Variants in HDHD2 observed in about 807,000 individuals in gnomAD.
HDHD2 encodes haloacid dehalogenase-like hydrolase domain-containing protein 2.
In HDHD2, 26 loss-of-function variants were observed where a neutral mutation model predicts 24.8. The ratio of observed to expected loss-of-function variants is 1.05; its 90% CI spans 0.77 to 1.45. The LOEUF is 1.45. Among genes scored for constraint, HDHD2 ranks in the 40% most tolerant of loss-of-function variants. The pLI is 0.00. For missense variants in HDHD2, 299 were observed against 313.4 expected, an observed-to-expected ratio of 0.95 and a Z score of 0.35; for synonymous variants, 128 against 114.9, an observed-to-expected ratio of 1.11 and a Z score of -0.73.
chr18:47,124,779 A>T (rs2063642271), intron 4 of HDHD2, among the ~76,000 whole-genome samples: 2 of 152,052 alleles, frequency 1.3e-5, no homozygotes, highest in African/African-American at 4.8e-5. Context: ...AAAACGTAAA[A>T]GATTTGAATG....
chr18:47,115,382 C>T (rs750816576), intron 4 of HDHD2, 34 bp from the exon 5 acceptor site: 2 of 1,539,692 alleles, frequency 1.3e-6, no homozygotes, highest in Non-Finnish European at 1.8e-6. Flanking sequence ...AACAAATTGG[C>T]TAAAAGCAAG....
intron 4 of HDHD2, among the ~76,000 whole-genome samples, chr18:47,125,339 C>T (rs924066088): frequency 6.6e-6 from 1 of 152,134 alleles, no homozygotes; most frequent in Non-Finnish European, 1.5e-5. Flanking sequence ...GCGATATTTA[C>T]TAAAACTAAA....
chr18:47,136,185 A>G (rs941258133), intron 2 of HDHD2, 154 bp downstream of exon 2: 2 of 820,520 alleles, frequency 2.4e-6, no homozygotes, highest in Non-Finnish European at 3.6e-6. Flanking sequence ...AAGAAATTGT[A>G]ATGCATACAT....
intron 4 of HDHD2, among the ~76,000 whole-genome samples, chr18:47,116,987 C>A (rs1599926665): frequency 6.6e-6 from 1 of 152,082 alleles, no homozygotes; most frequent in Non-Finnish European, 1.5e-5. Flanking sequence ...CTACACTTCT[C>A]TAAATGGGAA....
intron 4 of HDHD2, among the ~76,000 whole-genome samples, chr18:47,122,182 C>T (rs1323274322): frequency 1.3e-5 from 2 of 152,146 alleles, no homozygotes; most frequent in Admixed American, 1.3e-4. Flanking sequence ...ATGGATGAAC[C>T]TCTGCATGCC....
intron 1 of HDHD2, among the ~76,000 whole-genome samples, chr18:47,143,616 A>G (rs943822228): frequency 9.2e-5 from 14 of 152,042 alleles, no homozygotes; most frequent in African/African-American, 3.1e-4. Context: ...ACGTTTTGGG[A>G]TTTTTCTCTT....
Position 47,115,178 on chromosome 18 carries a change from A to C in HDHD2, c.566T>G (p.Leu189Trp). The change falls in exon 5 of 7, where the codon TTG becomes TGG. Residue 189 changes from leucine (L) to tryptophan (W), a missense_variant. Leu to Trp is a moderately conservative substitution (Grantham distance 61). Transcript: ENST00000300605. The part of the protein sequence containing the change: ...KPEKTFFLEA[L>W]RGTGCEPEEA... ...CTCAGGTTCACAGCCAGTGCCCCGC[A>C]ATGCTTCCAAAAAGAACGTCTTCTC... 1.2e-6 allele frequency: 2 copies of C among 1,613,892 alleles called. No individual in the cohort carries two copies. Among genetic ancestry groups the C allele is most frequent in the African/African-American group, 2.7e-5 (2 of 75,026 alleles).
At chr18:47,149,687 G>A (rs2063910373) in intron 1 of HDHD2, among the ~76,000 whole-genome samples, 1 of 152,102 alleles carries the variant, frequency 6.6e-6, no homozygotes, top group African/African-American at 2.4e-5. Flanking sequence ...CTCAGTCTCT[G>A]ATAACCATCA....
chr18:47,118,650 G>A (rs1317546910), intron 4 of HDHD2, among the ~76,000 whole-genome samples: 1 of 152,138 alleles, frequency 6.6e-6, no homozygotes, highest in Non-Finnish European at 1.5e-5. Flanking sequence ...TAGGTGATGG[G>A]TTGATAGATG....
chr18:47,138,690 T>G (rs1196099885), intron 1 of HDHD2, among the ~76,000 whole-genome samples: 1 of 152,230 alleles, frequency 6.6e-6, no homozygotes, highest in Non-Finnish European at 1.5e-5. Context: ...TTTCCACGAT[T>G]CCTGGCTCAT....
At chr18:47,117,365 C>T (rs927019362) in intron 4 of HDHD2, among the ~76,000 whole-genome samples, 3 of 152,050 alleles carry the variant, frequency 2.0e-5, no homozygotes, top group Admixed American at 6.5e-5. Flanking sequence ...AGAGCTCCAC[C>T]GTTAATGAAG....
intron 4 of HDHD2, among the ~76,000 whole-genome samples, chr18:47,126,619 A>T (rs1423735351): frequency 6.6e-6 from 1 of 152,206 alleles, no homozygotes; most frequent in Non-Finnish European, 1.5e-5. Context: ...AAATTTAAAC[A>T]TGAAAGTTGT....
intron 2 of HDHD2, among the ~76,000 whole-genome samples, chr18:47,135,680 G>A (rs1175743738): frequency 6.6e-6 from 1 of 152,126 alleles, no homozygotes. Context: ...TTAGGATAAA[G>A]ATCCTTAATA....
intron 4 of HDHD2, among the ~76,000 whole-genome samples, chr18:47,128,338 C>A (rs2063680212): frequency 1.3e-5 from 2 of 152,182 alleles, no homozygotes; most frequent in Non-Finnish European, 2.9e-5. Context: ...TAATCAATAT[C>A]TTCTCCTTGA....
intron 5 of HDHD2, among the ~76,000 whole-genome samples, chr18:47,114,065 G>A (rs1409235678): frequency 6.6e-6 from 1 of 152,174 alleles, no homozygotes; most frequent in East Asian, 1.9e-4. Context: ...AAAGAATTCT[G>A]AAGGCTCCAG....
chr18:47,136,458 G>C lies in HDHD2; in HGVS notation c.-10-9C>G, dbSNP rs370664062. Reference sequence around the variant, plus strand: ...CTGCCATCCTTCATTCCCTAGGAGAGAGCAAATGAAATTAAAAATACAGTT... The same window carrying C: ...CTGCCATCCTTCATTCCCTAGGAGACAGCAAATGAAATTAAAAATACAGTT... On this transcript the variant is annotated splice_polypyrimidine_tract_variant and intron_variant, in intron 1 of 6. Transcript: ENST00000300605. 2 of 1,604,518 alleles carry C rather than the reference G, an allele frequency of 1.2e-6. No individual in the cohort carries two copies. Among genetic ancestry groups the C allele is most frequent in the Non-Finnish European group, 8.5e-7 (1 of 1,176,848 alleles).
intron 1 of HDHD2, among the ~76,000 whole-genome samples, chr18:47,141,475 G>T (rs1371669332): frequency 6.6e-6 from 1 of 152,116 alleles, no homozygotes; most frequent in Non-Finnish European, 1.5e-5. Context: ...AGGGTAGGGA[G>T]GAACTAAACT....
chr18:47,142,642 A>G (rs2063830298), intron 1 of HDHD2, among the ~76,000 whole-genome samples: 2 of 152,212 alleles, frequency 1.3e-5, no homozygotes, highest in Non-Finnish European at 2.9e-5. Flanking sequence ...AAAAATAATG[A>G]GGAAAATACA....
intron 4 of HDHD2, among the ~76,000 whole-genome samples, chr18:47,125,664 A>G (rs1424899633): frequency 1.3e-5 from 2 of 152,256 alleles, no homozygotes; most frequent in Non-Finnish European, 1.5e-5. Context: ...CTATGATTTC[A>G]TTCATATGAA....
Sources: gnomAD v4.1 joint callset for allele counts (sites outside exome capture counted in the v4.1 genomes callset) on GRCh38, gnomAD v4.1.1 for gene constraint, MANE v1.5 for transcripts, NCBI Gene and HGNC (gene_info 2026-07-23, HGNC 2026-07-21) for gene names.